SUCO: variants seen among roughly 807,000 people sequenced by gnomAD.
The protein encoded by SUCO is SUN domain-containing ossification factor.
Under a neutral mutation model 148.1 loss-of-function variants are expected in SUCO, and 57 were observed. The observed-to-expected ratio is 0.38, with a 90% CI of 0.31 to 0.48. The LOEUF is 0.48. SUCO is among the 20% of genes least tolerant of loss of function. The pLI, the probability that SUCO is intolerant of heterozygous loss-of-function variation, is 0.96. For synonymous variants in SUCO, 470 were observed against 502.7 expected (o/e 0.93, Z 0.87); for missense variants, 1,331 against 1,468.2 (o/e 0.91, Z 1.53).
chr1:172,553,731 A>T lies in SUCO; in HGVS notation c.288+361A>T, dbSNP rs541364109. Among the ~76,000 whole-genome samples the T allele has an allele frequency of 9.8e-5, 15 of 152,296 alleles. No homozygotes were observed. The East Asian group carries it at 2.9e-3, about 29-fold the overall frequency. On this transcript the variant is annotated intron_variant, in intron 3 of 23. Coordinates refer to ENST00000263688, the MANE Select transcript of SUCO (RefSeq NM_014283.5). ...AAAAGGGAGTATTTTTATGTAGAAC[A>T]CAGAGTATTTTGATAACCAAGATTT...
chr1:172,575,613 A>T lies in SUCO; in HGVS notation c.1253A>T (p.Lys418Ile). ...SFPLDEQMYA[K>I]YVKMFIKYIK... ...CCTTTAGATGAACAGATGTATGCAAAATATGTCAAGGTAATGTTTACACAT... is the reference window on the plus strand; with the variant it reads ...CCTTTAGATGAACAGATGTATGCAATATATGTCAAGGTAATGTTTACACAT... The change falls in exon 11 of 24, where the codon AAA (lysine) becomes ATA (isoleucine). Residue 418 changes from lysine (K) to isoleucine (I), a missense_variant. Physicochemically the swap from Lys to Ile is moderately radical, Grantham distance 102. Around this residue, in one of 3 missense-constraint regions of SUCO, gnomAD observed 992 missense variants for 1,093.5 expected, o/e 0.91. Coordinates refer to ENST00000263688, the MANE Select transcript of SUCO (RefSeq NM_014283.5). 1.2e-6 allele frequency: 2 copies of T among 1,606,406 alleles called. No individual in the cohort carries two copies.
intron 6 of SUCO, among the ~76,000 whole-genome samples, chr1:172,561,363 C>T (rs1654138586): frequency 6.6e-6 from 1 of 152,038 alleles, no homozygotes; most frequent in Admixed American, 6.5e-5. Flanking sequence ...GTTAGGAGGT[C>T]TGTGGGGGAT....
intron 19 of SUCO, among the ~76,000 whole-genome samples, chr1:172,597,361 C>T (rs1037457608): frequency 2.6e-5 from 4 of 152,222 alleles, no homozygotes; most frequent in African/African-American, 4.8e-5. Flanking sequence ...TCTTCTGCGT[C>T]GCTGATGCTG....
intron 1 of SUCO, among the ~76,000 whole-genome samples, chr1:172,538,192 C>T (rs1387509516): frequency 6.6e-6 from 1 of 152,064 alleles, no homozygotes; most frequent in Non-Finnish European, 1.5e-5. Context: ...ATGTAGGGGA[C>T]GTACTTTGGA....
At chr1:172,560,638 C>T (rs559256098) in intron 6 of SUCO, among the ~76,000 whole-genome samples, 2 of 152,300 alleles carry the variant, frequency 1.3e-5, no homozygotes, top group South Asian at 2.1e-4. Flanking sequence ...AATCCTATTG[C>T]TCATTTACTT....
Position 172,557,697 on chromosome 1 carries a change from TAAC to T in SUCO, c.638_640del (p.Thr213del), listed in dbSNP as rs771610766. 24 of 1,613,264 alleles carry T rather than the reference TAAC, an allele frequency of 1.5e-5. No homozygotes were observed. In the Admixed American group the frequency reaches 3.8e-4, roughly 26 times the overall value. ...TCATCTTCACATGGTAAAGGAAAGA[TAAC>T]AAAATCAGAATTTGAATCAAAAGTT... On this transcript the variant is annotated inframe_deletion, in exon 6 of 24. Transcript: ENST00000263688.
rs189950414 is a variant in SUCO at position 172,595,378 on chromosome 1, T to C, written c.2913+4307T>C. ...TCATGCAGTTTCTTCCTAGCCTTGATGGTCTTTACAATTTGGCATGTTTTT... is the reference window on the plus strand; with the variant it reads ...TCATGCAGTTTCTTCCTAGCCTTGACGGTCTTTACAATTTGGCATGTTTTT... On this transcript the variant is annotated intron_variant, in intron 19 of 23. Coordinates refer to ENST00000263688, the MANE Select transcript of SUCO (RefSeq NM_014283.5). Among the ~76,000 whole-genome samples the C allele has an allele frequency of 2.6e-3, 395 of 152,372 alleles. 1 individual carries two copies. Among genetic ancestry groups the C allele is most frequent in the African/African-American group, 9.0e-3 (375 of 41,590 alleles).
chr1:172,560,704 A>C (rs1295388800), intron 6 of SUCO, among the ~76,000 whole-genome samples: 1 of 152,196 alleles, frequency 6.6e-6, no homozygotes, highest in Non-Finnish European at 1.5e-5. Context: ...ACATGTATTC[A>C]CCTCAGTTCC....
At chr1:172,590,128 G>A (rs1453617286) in intron 18 of SUCO, among the ~76,000 whole-genome samples, 2 of 152,040 alleles carry the variant, frequency 1.3e-5, no homozygotes, top group Non-Finnish European at 2.9e-5. Context: ...AATTTTAAAA[G>A]TACTTTCCAG....
intron 6 of SUCO, among the ~76,000 whole-genome samples, chr1:172,562,958 T>TTAC (rs1654292939): frequency 6.6e-6 from 1 of 152,140 alleles, no homozygotes; most frequent in Admixed American, 6.6e-5. Context: ...TGTGTAGTGC[T>TTAC]TACCCCTTCA....
intron 8 of SUCO, 46 bp downstream of exon 8, chr1:172,570,217 C>G: frequency 8.3e-7 from 1 of 1,199,424 alleles, no homozygotes; most frequent in Non-Finnish European, 1.2e-6. Flanking sequence ...AAATTAACGA[C>G]TTTTTAAAAT....
chr1:172,549,792 C>T (rs2149225951), intron 1 of SUCO, among the ~76,000 whole-genome samples: 1 of 151,488 alleles, frequency 6.6e-6, no homozygotes, highest in East Asian at 1.9e-4. Context: ...TAACATACAC[C>T]CTTAAAATGG....
intron 19 of SUCO, among the ~76,000 whole-genome samples, chr1:172,596,373 G>T (rs1264663307): frequency 6.6e-6 from 1 of 152,196 alleles, no homozygotes; most frequent in East Asian, 1.9e-4. Context: ...CTCATTTTTA[G>T]AATTTTCAGC....
At chr1:172,574,140 C>T (rs1655252388) in intron 10 of SUCO, 142 bp downstream of exon 10, 3 of 605,150 alleles carry the variant, frequency 5.0e-6, no homozygotes, top group Non-Finnish European at 8.7e-6. Flanking sequence ...GATAATACGA[C>T]TGTATTGTAG....
At position 172,585,934 on chromosome 1, in the gene SUCO, T is replaced by C. The variant is rs756444622; in HGVS notation, c.1644T>C (p.Pro548=). The change falls in exon 17 of 24, where the codon CCT becomes CCC. Residue 548 remains proline (P), a synonymous_variant. Transcript: ENST00000263688. ...KMPESTPVST[P]VPSPEYVTTE... ...CTGAATCAACTCCTGTTTCAACTCC[T>C]GTTCCATCTCCTGAGTAAGTTATAA... 1.9e-6 allele frequency: 3 copies of C among 1,607,016 alleles called. No individual in the cohort carries two copies. Among genetic ancestry groups the C allele is most frequent in the Non-Finnish European group, 2.6e-6 (3 of 1,175,282 alleles).
chr1:172,589,042 C>T lies in SUCO; in HGVS notation c.1941C>T (p.Arg647=), dbSNP rs757792612. The change falls in exon 18 of 24, where the codon CGC becomes CGT. Residue 647 remains arginine, a synonymous_variant. Coordinates refer to ENST00000263688, the MANE Select transcript of SUCO (RefSeq NM_014283.5). Reference sequence around the variant, plus strand: ...TTAGAGTTGCTCTTTATCGGCAGCGCAGCCGAACTGCTTTGAGTAAAGGAA... The same window carrying T: ...TTAGAGTTGCTCTTTATCGGCAGCGTAGCCGAACTGCTTTGAGTAAAGGAA... The part of the protein sequence containing the change: ...CSVRVALYRQ[R]SRTALSKGKD... 6.2e-7 allele frequency: 1 copy of T among 1,613,558 alleles called. No individual in the cohort carries two copies. Among genetic ancestry groups the T allele is most frequent in the East Asian group, 2.2e-5 (1 of 44,882 alleles).
At chr1:172,578,277 T>C in intron 13 of SUCO, 21 bp from the exon 14 acceptor site, 2 of 1,542,636 alleles carry the variant, frequency 1.3e-6, no homozygotes, top group Non-Finnish European at 9.0e-7. Flanking sequence ...TGGAAGTCTT[T>C]AATGAAATTG....
Position 172,589,460 on chromosome 1 carries a change from A to T in SUCO, c.2359A>T (p.Ile787Leu). The change falls in exon 18 of 24, where the codon ATA becomes TTA. Residue 787 changes from isoleucine to leucine, a missense_variant. Physicochemically the swap from Ile to Leu is conservative, Grantham distance 5. This residue lies in a region of SUCO where 992 missense variants were observed against 1,093.5 expected (regional missense o/e 0.91). Transcript: ENST00000263688. ...ACAAAAGTCTGAGAGCTTTAGTTCT[A>T]TAGAGAAACCATCTATTACCTATGA... ...TEQKSESFSS[I>L]EKPSITYETN... is the part of the protein sequence containing the mutation. 1 of 1,611,612 alleles carries T rather than the reference A, an allele frequency of 6.2e-7. No individual in the cohort carries two copies. The highest frequency in any genetic ancestry group is 8.5e-7 in the Non-Finnish European group (1 of 1,179,236).
rs894862338 is a variant in SUCO, at chr1:172,556,104, T to A, written c.443+81T>A. On this transcript the variant is annotated intron_variant, in intron 4 of 23. Transcript: ENST00000263688. ...AAATTTCCTTAAAAGATAAAGCAGC[T>A]TGATACTCAAGTTTGAAGTTTAGGC... is the stretch of plus-strand genomic sequence containing the variant. 3 of 1,144,292 alleles carry A rather than the reference T, an allele frequency of 2.6e-6. No individual in the cohort carries two copies. The African/African-American group carries it at 4.7e-5, about 18-fold the overall frequency. 70.9% of individuals were successfully genotyped at this position (1,144,292 alleles called of 1,614,324 possible).
Sources: gnomAD v4.1 joint callset for allele counts (sites outside exome capture counted in the v4.1 genomes callset) on GRCh38, gnomAD v4.1.1 for gene constraint, gnomAD v4.1.1 regional missense constraint, MANE v1.5 for transcripts, NCBI Gene and HGNC (gene_info 2026-07-23, HGNC 2026-07-21) for gene names.